Variants in ATP2B4 observed in about 807,000 individuals in gnomAD.
The protein encoded by ATP2B4 is plasma membrane calcium-transporting ATPase 4.
In ATP2B4, 39 loss-of-function variants were observed where a neutral mutation model predicts 110.3. That is an observed-to-expected ratio of 0.35 (90% CI 0.27 to 0.46). The LOEUF (loss-of-function observed/expected upper bound fraction) is 0.46, where lower values mean the gene tolerates loss of function less well. Ranked by LOEUF, ATP2B4 falls within the 20% of genes least tolerant of loss-of-function variation. ATP2B4 has a pLI of 1.00. For synonymous variants in ATP2B4, 538 were observed against 571.7 expected (o/e 0.94, Z 0.84); for missense variants, 1,135 against 1,530.9 (o/e 0.74, Z 4.32).
intron 1 of ATP2B4, among the ~76,000 whole-genome samples, chr1:203,650,641 C>CCGGGGCGAGGGCGGGCGGGGAG (rs1447906214): frequency 6.6e-6 from 1 of 152,154 alleles, no homozygotes; most frequent in Non-Finnish European, 1.5e-5. Flanking sequence ...CTCGGCCGGC[C>CCGGGGCGAGGGCGGGCGGGGAG]CGGGGCGAGG....
At chr1:203,665,486 C>T (rs1343988745) in intron 1 of ATP2B4, among the ~76,000 whole-genome samples, 1 of 152,160 alleles carries the variant, frequency 6.6e-6, no homozygotes, top group Admixed American at 6.5e-5. Context: ...GTCTCTGCCC[C>T]TGTCCTGCTT....
chr1:203,722,642 C>T lies in ATP2B4; in HGVS notation c.2977C>T (p.Arg993Cys), dbSNP rs143974450. Residue 993 changes from arginine (R) to cysteine (C), a missense_variant, in exon 18 of 21, where the codon CGC (arginine) becomes TGC (cysteine). Transcript: ENST00000357681. The stretch of plus-strand genomic sequence containing the variant: ...GAAGAACGTCTTTTCAGGCATCTAC[C>T]GCAACATTATCTTCTGCTCTGTAGT... ...GEKNVFSGIY[R>C]NIIFCSVVLG... 339 of 1,614,048 alleles carry T rather than the reference C, an allele frequency of 2.1e-4. No individual in the cohort carries two copies. The highest frequency in any genetic ancestry group is 3.2e-4 in the Admixed American group (19 of 60,010).
intron 1 of ATP2B4, among the ~76,000 whole-genome samples, chr1:203,638,087 A>G (rs1663512553): frequency 6.6e-6 from 1 of 152,072 alleles, no homozygotes; most frequent in South Asian, 2.1e-4. Flanking sequence ...ATTGCCAAAC[A>G]GGATTTTAAA....
chr1:203,651,465 T>C (rs4417152), intron 1 of ATP2B4, among the ~76,000 whole-genome samples: 144,504 of 152,254 alleles, frequency 0.95, 69,037 homozygotes, highest in East Asian at 1. Context: ...CCTATGACCC[T>C]TTCCTATCCC....
At chr1:203,628,906 G>A (rs774833160) in intron 1 of ATP2B4, among the ~76,000 whole-genome samples, 7 of 152,164 alleles carry the variant, frequency 4.6e-5, no homozygotes, top group Non-Finnish European at 1.0e-4. Context: ...GGAGGGGCAG[G>A]AAGGATGGTG....
chr1:203,639,699 G>A (rs1332466964), intron 1 of ATP2B4, among the ~76,000 whole-genome samples: 5 of 152,190 alleles, frequency 3.3e-5, no homozygotes, highest in Non-Finnish European at 7.3e-5. Context: ...GCCGAAGCTG[G>A]GTGTGGGTCC....
intron 1 of ATP2B4, among the ~76,000 whole-genome samples, chr1:203,670,233 C>T (rs140298506): frequency 0.011 from 1,733 of 151,340 alleles, 31 homozygotes; most frequent in African/African-American, 0.04. Flanking sequence ...GCTTGGAGTG[C>T]AGTGGCACGA....
At chr1:203,628,107 C>T (rs901359392) in intron 1 of ATP2B4, among the ~76,000 whole-genome samples, 3 of 152,142 alleles carry the variant, frequency 2.0e-5, no homozygotes, top group African/African-American at 7.2e-5. Flanking sequence ...ATGGGGTGGG[C>T]CACAGGCATC....
chr1:203,674,791 G>A lies in ATP2B4; in HGVS notation c.-464-7951G>A, dbSNP rs1664781512. Among the ~76,000 whole-genome samples the A allele has an allele frequency of 1.3e-5, 2 of 151,842 alleles. 1 individual carries two copies. The highest frequency in any genetic ancestry group is 4.2e-4 in the South Asian group (2 of 4,808). Reference sequence around the variant, plus strand: ...TCTGCCTCAGCCTCCTGAGTAGCTGGGACTACAGGCACGTGCCACCACACC... The same window carrying A: ...TCTGCCTCAGCCTCCTGAGTAGCTGAGACTACAGGCACGTGCCACCACACC... On this transcript the variant is annotated intron_variant, in intron 1 of 20. Coordinates refer to ENST00000357681, the MANE Select transcript of ATP2B4 (RefSeq NM_001684.5).
intron 1 of ATP2B4, among the ~76,000 whole-genome samples, chr1:203,644,475 C>A (rs1382001860): frequency 6.6e-6 from 1 of 152,086 alleles, no homozygotes; most frequent in African/African-American, 2.4e-5. Flanking sequence ...AGTTGGGAAA[C>A]CTGGAACTTG....
At position 203,721,504 on chromosome 1, in the gene ATP2B4, A is replaced by T. The variant is rs139242395; in HGVS notation, c.2812+94A>T. ...CGTGAGAGCAAGTGCACAGGTCAGG[A>T]ATAAGCGCAGCTTCACCTCCCAGTG... On this transcript the variant is annotated intron_variant, in intron 17 of 20. Coordinates refer to ENST00000357681, the MANE Select transcript of ATP2B4 (RefSeq NM_001684.5). 1,795 of 1,290,890 alleles carry T rather than the reference A, an allele frequency of 1.4e-3. 6 individuals carry two copies. Among genetic ancestry groups the T allele is most frequent in the Middle Eastern group, 0.011 (42 of 3,910 alleles). The allele number at this position is 1,290,890 out of a possible 1,614,324, so 80.0% of individuals were successfully genotyped here. A position where few individuals can be genotyped will look rare whatever the true frequency, so the allele number is the denominator to read the frequency against.
chr1:203,741,384 TAGG>T lies in ATP2B4; in HGVS notation c.*1533_*1535del, dbSNP rs1181729006. ...GCCTCTCAGGAGTTGGGGACTTTGC[TAGG>T]AGATTTTTTAAGTGTTCCTTACTGG... On this transcript the variant is annotated 3_prime_UTR_variant, in exon 21 of 21. Transcript: ENST00000357681. 1.3e-5 allele frequency: 2 copies of T among 152,572 alleles called. No homozygotes were observed. The highest frequency in any genetic ancestry group is 2.4e-5 in the African/African-American group (1 of 41,438). The allele number at this position is 152,572 out of a possible 1,614,324, so 9.5% of individuals were successfully genotyped here. A position where few individuals can be genotyped will look rare whatever the true frequency, so the allele number is the denominator to read the frequency against.
intron 1 of ATP2B4, among the ~76,000 whole-genome samples, chr1:203,671,944 G>A (rs1664675396): frequency 6.6e-6 from 1 of 152,304 alleles, no homozygotes; most frequent in African/African-American, 2.4e-5. Context: ...AGGGGATGGG[G>A]GCTTCGAAGC....
At position 203,735,002 on chromosome 1, in the gene ATP2B4, CAAAAAAAAAA is replaced by C. The variant is rs35552196; in HGVS notation, c.3310-4530_3310-4521del. The stretch of plus-strand genomic sequence containing the variant: ...TGGGTGACAGAGACAGACTCCATCT[CAAAAAAAAAA>C]AAAAAAAAAAAAACGAAGAAAAAAA... On this transcript the variant is annotated intron_variant, in intron 20 of 20. Coordinates refer to ENST00000357681, the MANE Select transcript of ATP2B4 (RefSeq NM_001684.5). Among the ~76,000 whole-genome samples, 6 of 57,134 alleles carry C rather than the reference CAAAAAAAAAA, an allele frequency of 1.1e-4. 1 individual carries two copies. The Admixed American group carries it at 1.1e-3, about 10-fold the overall frequency. The allele number at this position is 57,134 out of a possible 152,430, so 37.5% of individuals were successfully genotyped here.
rs1446483527 is a variant in ATP2B4, at chr1:203,743,627, A to C, written c.*3773A>C. The C allele has an allele frequency of 6.6e-6, 1 of 152,644 alleles. No homozygotes were observed. Among genetic ancestry groups the C allele is most frequent in the Admixed American group, 6.5e-5 (1 of 15,282 alleles). The allele number at this position is 152,644 out of a possible 1,614,324, so 9.5% of individuals were successfully genotyped here. On this transcript the variant is annotated 3_prime_UTR_variant, in exon 21 of 21. Transcript: ENST00000357681. Reference sequence around the variant, plus strand: ...AAATCTATCTACGTTGTTCTTTTCAAATTAGCACGCAGATAGGAATTTTGA... The same window carrying C: ...AAATCTATCTACGTTGTTCTTTTCACATTAGCACGCAGATAGGAATTTTGA...
At chr1:203,707,277 G>A (rs1324322441) in intron 9 of ATP2B4, 54 bp downstream of exon 9, 8 of 1,501,018 alleles carry the variant, frequency 5.3e-6, no homozygotes, top group Non-Finnish European at 6.4e-6. Flanking sequence ...GGAGAGAAGG[G>A]TACCATGTAA....
chr1:203,627,190 A>G lies in ATP2B4; in HGVS notation c.-494A>G, dbSNP rs4600103. On this transcript the variant is annotated 5_prime_UTR_variant, in exon 1 of 21. It removes the in-frame stop codon of an upstream open reading frame in the 5' UTR. Coordinates refer to ENST00000357681, the MANE Select transcript of ATP2B4 (RefSeq NM_001684.5). ...AAACCCGGAGGGAGAGTCCCGCCTG[A>G]AGAAACCTGGATCTTTGCTAGAAAG... is the stretch of plus-strand genomic sequence containing the variant. 120,026 of 152,290 alleles carry G rather than the reference A, an allele frequency of 0.79. 48,562 individuals carry two copies. Among genetic ancestry groups the G allele is most frequent in the Non-Finnish European group, 0.89 (60,287 of 68,032 alleles). 9.4% of individuals were successfully genotyped at this position (152,290 alleles called of 1,614,324 possible). A position where few individuals can be genotyped will look rare whatever the true frequency, so the allele number is the denominator to read the frequency against.
At chr1:203,694,267 C>G (rs555535080) in intron 2 of ATP2B4, among the ~76,000 whole-genome samples, 5 of 152,158 alleles carry the variant, frequency 3.3e-5, no homozygotes, top group Non-Finnish European at 5.9e-5. Flanking sequence ...AGATAAAAAT[C>G]CTGCCCTTGT....
chr1:203,686,780 G>A lies in ATP2B4; in HGVS notation c.193+3382G>A, dbSNP rs185545920. ...GCGATATTGGCTCACTACAACCTCC[G>A]CCTCCTGGGTTCAAGCAATTCTCCT... On this transcript the variant is annotated intron_variant, in intron 2 of 20. Transcript: ENST00000357681. Among the ~76,000 whole-genome samples, 193 of 130,030 alleles carry A rather than the reference G, an allele frequency of 1.5e-3. 2 individuals carry two copies. Among genetic ancestry groups the A allele is most frequent in the African/African-American group, 5.2e-3 (183 of 35,298 alleles). The allele number at this position is 130,030 out of a possible 152,430, so 85.3% of individuals were successfully genotyped here.
Sources: allele counts gnomAD v4.1 joint callset (sites outside exome capture counted in the v4.1 genomes callset), GRCh38; gene constraint gnomAD v4.1.1; transcripts MANE v1.5; gene names NCBI Gene and HGNC (gene_info 2026-07-23, HGNC 2026-07-21).